Variants in RGS7BP observed in about 807,000 individuals in gnomAD.
The protein encoded by RGS7BP is regulator of G protein signaling 7-binding protein.
Under a neutral mutation model 31.3 loss-of-function variants are expected in RGS7BP, and 9 were observed. The observed-to-expected ratio is 0.29, with a 90% confidence interval of 0.17 to 0.50. RGS7BP has a LOEUF of 0.50. Among genes scored for constraint, RGS7BP ranks in the 20% least tolerant of loss-of-function variants. RGS7BP has a pLI of 0.98. For missense variants in RGS7BP, 274 were observed against 322.0 expected (o/e 0.85, Z 1.14); for synonymous variants, 115 against 120.1 (o/e 0.96, Z 0.28).
At chr5:64,517,355 C>A (rs910900573) in intron 2 of RGS7BP, among the ~76,000 whole-genome samples, 12 of 152,132 alleles carry the variant, frequency 7.9e-5, no homozygotes, top group African/African-American at 2.9e-4. Context: ...ATAAAAAGGA[C>A]TTCATTACTA....
intron 2 of RGS7BP, among the ~76,000 whole-genome samples, chr5:64,517,796 A>C (rs952755714): frequency 2.6e-5 from 4 of 152,212 alleles, no homozygotes; most frequent in African/African-American, 9.6e-5. Flanking sequence ...AAAGGACTTA[A>C]GTATAATTTT....
chr5:64,523,144 A>G (rs1297640834), intron 2 of RGS7BP, among the ~76,000 whole-genome samples: 1 of 152,178 alleles, frequency 6.6e-6, no homozygotes. Flanking sequence ...TGGTGATTGG[A>G]GGGAGTGTGC....
intron 2 of RGS7BP, among the ~76,000 whole-genome samples, chr5:64,528,789 C>A (rs987629610): frequency 8.6e-6 from 1 of 115,946 alleles, no homozygotes; most frequent in Admixed American, 1.3e-4. Flanking sequence ...CCAGCCTGGG[C>A]GACAGAGCAA....
At chr5:64,595,408 T>C (rs956506468) in intron 4 of RGS7BP, among the ~76,000 whole-genome samples, 5 of 152,178 alleles carry the variant, frequency 3.3e-5, no homozygotes, top group African/African-American at 1.2e-4. Context: ...AGGTGGCTGA[T>C]GGCCCCTCAG....
intron 2 of RGS7BP, among the ~76,000 whole-genome samples, chr5:64,568,381 G>C (rs1237216932): frequency 6.6e-6 from 1 of 152,146 alleles, no homozygotes; most frequent in Non-Finnish European, 1.5e-5. Context: ...GAAAAATGGA[G>C]AGGCCAAGAG....
chr5:64,590,151 T>C (rs892057770), intron 3 of RGS7BP, among the ~76,000 whole-genome samples: 11 of 151,978 alleles, frequency 7.2e-5, no homozygotes, highest in Non-Finnish European at 1.5e-5. Context: ...AAGAGAACAG[T>C]GTCATACCAG....
chr5:64,570,729 G>C (rs1335286821), intron 2 of RGS7BP, among the ~76,000 whole-genome samples: 2 of 152,008 alleles, frequency 1.3e-5, no homozygotes, highest in African/African-American at 4.8e-5. Flanking sequence ...TAATTATTTA[G>C]GGAAATGTAA....
At chr5:64,508,443 TATCTC>T (rs1748751408) in intron 2 of RGS7BP, among the ~76,000 whole-genome samples, 3 of 152,206 alleles carry the variant, frequency 2.0e-5, no homozygotes, top group Non-Finnish European at 2.9e-5. Flanking sequence ...GAAATTCACA[TATCTC>T]AATAAACCTA....
At chr5:64,507,106 G>A (rs1748708318) in intron 1 of RGS7BP, among the ~76,000 whole-genome samples, 1 of 152,166 alleles carries the variant, frequency 6.6e-6, no homozygotes, top group South Asian at 2.1e-4. Flanking sequence ...GAGGAGGGAG[G>A]GATGAGGAGG....
At chr5:64,510,902 T>G (rs1748815373) in intron 2 of RGS7BP, among the ~76,000 whole-genome samples, 1 of 152,216 alleles carries the variant, frequency 6.6e-6, no homozygotes, top group East Asian at 1.9e-4. Flanking sequence ...AATTCTTTGC[T>G]CTGTGTAGGA....
chr5:64,557,403 A>G (rs376240130), intron 2 of RGS7BP, among the ~76,000 whole-genome samples: 5 of 152,114 alleles, frequency 3.3e-5, no homozygotes, highest in African/African-American at 1.2e-4. Context: ...CTCTCTAATG[A>G]ACGATGTTTT....
At chr5:64,555,569 T>C (rs983834731) in intron 2 of RGS7BP, among the ~76,000 whole-genome samples, 3 of 152,092 alleles carry the variant, frequency 2.0e-5, no homozygotes, top group Non-Finnish European at 4.4e-5. Context: ...AAGGAGTATA[T>C]AAAATTAGTA....
At position 64,576,250 on chromosome 5, in the gene RGS7BP, A is replaced by G. The variant is rs143518220; in HGVS notation, c.463+346A>G. Reference sequence around the variant, plus strand: ...CTATCCAAGAGTGCTATTTTCCTAAATGAATTAAGTTGCAAGAAACAAATT... The same window carrying G: ...CTATCCAAGAGTGCTATTTTCCTAAGTGAATTAAGTTGCAAGAAACAAATT... On this transcript the variant is annotated intron_variant, in intron 3 of 5. Coordinates refer to ENST00000334025, the MANE Select transcript of RGS7BP (RefSeq NM_001029875.3). Among the ~76,000 whole-genome samples the G allele has an allele frequency of 4.3e-4, 66 of 152,370 alleles. No individual in the cohort carries two copies. The East Asian group carries it at 9.6e-3, about 22-fold the overall frequency.
intron 3 of RGS7BP, among the ~76,000 whole-genome samples, chr5:64,587,766 C>A: frequency 6.6e-6 from 1 of 152,158 alleles, no homozygotes; most frequent in Non-Finnish European, 1.5e-5. Flanking sequence ...AAACAGGAAA[C>A]TTAGAGCAGG....
chr5:64,601,992 G>A (rs911021068), intron 5 of RGS7BP, among the ~76,000 whole-genome samples: 1 of 152,154 alleles, frequency 6.6e-6, no homozygotes, highest in Non-Finnish European at 1.5e-5. Context: ...TGCCATGCAC[G>A]AGAATCAGTC....
intron 2 of RGS7BP, among the ~76,000 whole-genome samples, chr5:64,552,250 A>G (rs1000674134): frequency 4.6e-5 from 7 of 152,052 alleles, no homozygotes; most frequent in African/African-American, 1.2e-4. Flanking sequence ...TTTAAACTGT[A>G]TCTATTAGAA....
intron 3 of RGS7BP, among the ~76,000 whole-genome samples, chr5:64,587,081 G>C (rs1190592771): frequency 6.6e-6 from 1 of 152,080 alleles, no homozygotes; most frequent in African/African-American, 2.4e-5. Context: ...TTCATCAAAT[G>C]GTCAGGGGGA....
At chr5:64,583,593 AATGG>A in intron 3 of RGS7BP, among the ~76,000 whole-genome samples, 1 of 152,288 alleles carries the variant, frequency 6.6e-6, no homozygotes, top group East Asian at 1.9e-4. Context: ...ATTGAAATAG[AATGG>A]ATGATGATGT....
intron 2 of RGS7BP, among the ~76,000 whole-genome samples, chr5:64,538,541 C>T (rs1227230966): frequency 0.051 from 1,885 of 37,046 alleles, 3 homozygotes; most frequent in African/African-American, 0.065. Flanking sequence ...TTTTTTTTTC[C>T]TTTTCTTTTT....
Sources: allele counts gnomAD v4.1 joint callset (sites outside exome capture counted in the v4.1 genomes callset), GRCh38; gene constraint gnomAD v4.1.1; transcripts MANE v1.5; gene names NCBI Gene and HGNC (gene_info 2026-07-23, HGNC 2026-07-21).